UBA2: variants seen among roughly 807,000 people sequenced by gnomAD.
The protein encoded by UBA2 is ubiquitin like modifier activating enzyme 2.
A neutral mutation model predicts 77.2 loss-of-function variants in UBA2; 11 were observed. That is an observed-to-expected ratio of 0.14 (90% CI 0.09 to 0.24). The LOEUF (loss-of-function observed/expected upper bound fraction) is 0.24. Ranked by LOEUF, UBA2 falls within the 10% of genes least tolerant of loss-of-function variation. UBA2 has a pLI of 1.00. For missense variants in UBA2, 487 were observed against 781.7 expected, an observed-to-expected ratio of 0.62 and a Z score of 4.50; for synonymous variants, 278 against 276.7, an observed-to-expected ratio of 1.00 and a Z score of -0.05.
Position 34,433,328 on chromosome 19 carries a change from T to G in UBA2, c.294-20T>G. On this transcript the variant is annotated intron_variant, in intron 3 of 16. Transcript: ENST00000246548. The stretch of plus-strand genomic sequence containing the variant: ...GGAAGGCTAGTTATTTTGGTGACCT[T>G]TTTTTATTTTGTTTTGTAGCCCTGA... 1 of 1,596,068 alleles carries G rather than the reference T, an allele frequency of 6.3e-7. No homozygotes were observed. Among genetic ancestry groups the G allele is most frequent in the Non-Finnish European group, 8.6e-7 (1 of 1,167,018 alleles).
chr19:34,451,929 G>C, intron 9 of UBA2, 52 bp from the exon 10 acceptor site: 1 of 1,063,254 alleles, frequency 9.4e-7, no homozygotes, highest in South Asian at 1.8e-5. Context: ...GAGCACAGTA[G>C]AGGAATGATG....
At chr19:34,429,156 C>T (rs2075222568) in intron 1 of UBA2, 2 of 984,892 alleles carry the variant, frequency 2.0e-6, no homozygotes, top group South Asian at 4.7e-5. Flanking sequence ...AGTAACTTAC[C>T]CTGGGTCACG....
At position 34,434,855 on chromosome 19, in the gene UBA2, GT is replaced by G. The variant is rs1476517248; in HGVS notation, c.359-9del. 1 of 1,583,966 alleles carries G rather than the reference GT, an allele frequency of 6.3e-7. No homozygotes were observed. Among genetic ancestry groups the G allele is most frequent in the African/African-American group, 1.3e-5 (1 of 74,240 alleles). ...TTTTTCCCAAAAACTCATACTGTTT[GT>G]TTTACTTCCAGCTGCCCGAAACCAT... On this transcript the variant is annotated splice_polypyrimidine_tract_variant and intron_variant, in intron 4 of 16. Transcript: ENST00000246548.
chr19:34,456,376 A>T (rs1030565359), intron 12 of UBA2, among the ~76,000 whole-genome samples: 3 of 151,510 alleles, frequency 2.0e-5, no homozygotes, highest in African/African-American at 7.3e-5. Flanking sequence ...AGCCTCCCAG[A>T]GTACTGGGAT....
chr19:34,462,026 C>G (rs1234694732), intron 14 of UBA2, among the ~76,000 whole-genome samples: 1 of 152,088 alleles, frequency 6.6e-6, no homozygotes, highest in Non-Finnish European at 1.5e-5. Flanking sequence ...TTGGGAGTGG[C>G]CCATTATTTG....
In UBA2 at chr19:34,443,906, C is replaced by A. The variant is rs138127413; in HGVS notation, c.644C>A (p.Ala215Asp). The A allele has an allele frequency of 3.8e-5, 61 of 1,603,724 alleles. No individual in the cohort carries two copies. Among genetic ancestry groups the A allele is most frequent in the South Asian group, 1.1e-4 (10 of 90,860 alleles). ...EVSPDRADPE[A>D]AWEPTEAEAR... ...TCTCCTGACAGAGCTGACCCTGAAG[C>A]TGCCTGTGAGTAAATTATTTGGCAT... The change falls in exon 7 of 17, where the codon GCT becomes GAT. Residue 215 changes from alanine (A) to aspartate (D), a missense_variant. Ala to Asp is a moderately radical substitution (Grantham distance 126, BLOSUM62 -2). This residue lies in a region of UBA2 where 300 missense variants were observed against 454.3 expected (regional missense o/e 0.66). Coordinates refer to ENST00000246548, the MANE Select transcript of UBA2 (RefSeq NM_005499.3).
At chr19:34,446,336 C>G (rs370277115) in intron 8 of UBA2, among the ~76,000 whole-genome samples, 2 of 152,140 alleles carry the variant, frequency 1.3e-5, no homozygotes, top group Non-Finnish European at 2.9e-5. Context: ...TCCACATAAC[C>G]GAAAACTCTT....
intron 9 of UBA2, among the ~76,000 whole-genome samples, chr19:34,451,692 C>T (rs957763400): frequency 1.3e-5 from 2 of 151,710 alleles, no homozygotes. Context: ...GGACTACAGG[C>T]GCCCGCCACC....
chr19:34,429,801 A>G (rs2075230951), intron 1 of UBA2, among the ~76,000 whole-genome samples: 1 of 152,120 alleles, frequency 6.6e-6, no homozygotes, highest in African/African-American at 2.4e-5. Context: ...GCACCACTGC[A>G]CTCCAGCCTG....
intron 10 of UBA2, among the ~76,000 whole-genome samples, chr19:34,453,404 A>T (rs2075523351): frequency 6.6e-6 from 1 of 151,762 alleles, no homozygotes; most frequent in Non-Finnish European, 1.5e-5. Flanking sequence ...CTTGGATTGT[A>T]TTGCCTTATT....
chr19:34,450,472 A>G, intron 9 of UBA2, 108 bp downstream of exon 9: 1 of 661,940 alleles, frequency 1.5e-6, no homozygotes, highest in East Asian at 3.4e-5. Context: ...CATATATTCA[A>G]ACAGTGCAAA....
At chr19:34,440,925 CAAAAAA>C (rs569153016) in intron 6 of UBA2, among the ~76,000 whole-genome samples, 41 of 64,474 alleles carry the variant, frequency 6.4e-4, no homozygotes, top group African/African-American at 2.1e-3. Flanking sequence ...GACTCCATCT[CAAAAAA>C]AAAAAAAAAA....
At position 34,458,733 on chromosome 19, in the gene UBA2, C is replaced by T. The variant is rs182237926; in HGVS notation, c.1246-36C>T. On this transcript the variant is annotated intron_variant, in intron 12 of 16. Transcript: ENST00000246548. ...TTGTATGGCGTATAAAATTACAGCA[C>T]GTTTCCGATTTCTGCCTGTTATTTC... The T allele has an allele frequency of 2.0e-3, 3,190 of 1,582,470 alleles. 13 individuals are homozygous for T. The highest frequency in any genetic ancestry group is 2.4e-3 in the Non-Finnish European group (2,810 of 1,162,116).
Position 34,458,595 on chromosome 19 carries a change from A to G in UBA2, c.1246-174A>G, listed in dbSNP as rs1257284165. 2.5e-5 allele frequency: 9 copies of G among 366,402 alleles called. No homozygotes were observed. In the South Asian group the frequency reaches 2.7e-4, roughly 11 times the overall value. 22.7% of individuals were successfully genotyped at this position (366,402 alleles called of 1,614,324 possible). ...AAAAAAAAAAAAAAAAAAAAAAAGAAGGTTGAAAAACCAGGTTCCTAAAAA... is the reference window on the plus strand; with the variant it reads ...AAAAAAAAAAAAAAAAAAAAAAAGAGGGTTGAAAAACCAGGTTCCTAAAAA... On this transcript the variant is annotated intron_variant, in intron 12 of 16. Coordinates refer to ENST00000246548, the MANE Select transcript of UBA2 (RefSeq NM_005499.3).
chr19:34,428,635 C>CG, intron 1 of UBA2, 65 bp downstream of exon 1: 5 of 621,128 alleles, frequency 8.0e-6, no homozygotes, highest in Non-Finnish European at 1.1e-5. Flanking sequence ...TCGGGGGTTC[C>CG]GGGGCTCCAG....
At chr19:34,457,364 C>T (rs2075579912) in intron 12 of UBA2, among the ~76,000 whole-genome samples, 1 of 151,034 alleles carries the variant, frequency 6.6e-6, no homozygotes, top group Non-Finnish European at 1.5e-5. Context: ...GAAACTCTGC[C>T]TCAAGAAAAA....
chr19:34,461,702 T>G (rs183532290), intron 14 of UBA2, among the ~76,000 whole-genome samples: 11 of 152,268 alleles, frequency 7.2e-5, no homozygotes, highest in Admixed American at 1.3e-4. Context: ...AGGCATAGTT[T>G]TGGGTATTCA....
intron 8 of UBA2, among the ~76,000 whole-genome samples, chr19:34,447,399 T>C (rs573889646): frequency 6.6e-6 from 1 of 152,342 alleles, no homozygotes; most frequent in African/African-American, 2.4e-5. Context: ...TGACACTCAG[T>C]ATTAAGCATC....
At chr19:34,464,777 C>T (rs1051902304) in intron 15 of UBA2, among the ~76,000 whole-genome samples, 11 of 152,112 alleles carry the variant, frequency 7.2e-5, no homozygotes, top group African/African-American at 2.4e-4. Context: ...CAAATCATTT[C>T]GTTTGTGATT....
Sources: gnomAD v4.1 joint callset for allele counts (sites outside exome capture counted in the v4.1 genomes callset) on GRCh38, gnomAD v4.1.1 for gene constraint, gnomAD v4.1.1 regional missense constraint, MANE v1.5 for transcripts, NCBI Gene and HGNC (gene_info 2026-07-23, HGNC 2026-07-21) for gene names.